The following SEZ6L variants were observed in gnomAD, a reference collection of about 807,000 sequenced individuals.
SEZ6L encodes the protein seizure 6-like protein.
SEZ6L carries 37 observed loss-of-function variants against 106.2 expected under a neutral mutation model. The observed-to-expected ratio is 0.35, with a 90% CI of 0.27 to 0.46. SEZ6L has a LOEUF of 0.46. Ranked by LOEUF, SEZ6L falls within the 20% of genes least tolerant of loss-of-function variation. SEZ6L has a pLI of 1.00. For synonymous variants in SEZ6L, 541 were observed against 570.4 expected (o/e 0.95, Z 0.73); for missense variants, 1,172 against 1,332.8 (o/e 0.88, Z 1.88).
intron 10 of SEZ6L, among the ~76,000 whole-genome samples, chr22:26,345,150 A>G (rs998048726): frequency 6.6e-6 from 1 of 152,118 alleles, no homozygotes; most frequent in African/African-American, 2.4e-5. Flanking sequence ...ATGGGGACGG[A>G]CCATTCTAGA....
intron 9 of SEZ6L, among the ~76,000 whole-genome samples, chr22:26,324,064 C>CCACACACACACACACACACA (rs71311560): frequency 7.8e-5 from 11 of 140,268 alleles, no homozygotes; most frequent in Non-Finnish European, 1.7e-4. Context: ...CAGTTTTTAA[C>CCACACACACACACACACACA]CACACACACA....
chr22:26,283,698 T>C (rs2080844805), intron 1 of SEZ6L, among the ~76,000 whole-genome samples: 1 of 152,098 alleles, frequency 6.6e-6, no homozygotes, highest in African/African-American at 2.4e-5. Context: ...AATAAGTGCA[T>C]ACAATAAATA....
chr22:26,225,390 G>A (rs148304202), intron 1 of SEZ6L, among the ~76,000 whole-genome samples: 94 of 152,220 alleles, frequency 6.2e-4, no homozygotes, highest in African/African-American at 2.0e-3. Context: ...TTTGAGCAGC[G>A]GGATCACTCA....
intron 1 of SEZ6L, among the ~76,000 whole-genome samples, chr22:26,290,101 T>G (rs1467091883): frequency 2.0e-5 from 3 of 152,190 alleles, no homozygotes; most frequent in Non-Finnish European, 4.4e-5. Context: ...AATAGCCCCA[T>G]TTGACAGCTG....
In SEZ6L at chr22:26,340,512, C is replaced by T. The variant is rs1408480599; in HGVS notation, c.2092C>T (p.Leu698Phe). 4.3e-6 allele frequency: 7 copies of T among 1,614,176 alleles called. No individual in the cohort carries two copies. The highest frequency in any genetic ancestry group is 5.9e-6 in the Non-Finnish European group (7 of 1,180,032). ...EVMPHILGQYLGNSGPQKLYS... is the reference protein window; with the variant it reads ...EVMPHILGQYFGNSGPQKLYS... ...CATGCCCCACATCTTGGGGCAGTAC[C>T]TTGGGAACAGTGGCCCCCAGAAACT... Residue 698 changes from leucine to phenylalanine, a missense_variant, in exon 10 of 17, where the codon CTT becomes TTT. Leu to Phe is a conservative substitution (Grantham distance 22). This residue lies in a region of SEZ6L where 534 missense variants were observed against 691.0 expected (regional missense o/e 0.77). Coordinates refer to ENST00000248933, the MANE Select transcript of SEZ6L (RefSeq NM_021115.5).
At chr22:26,261,771 G>A (rs764081179) in intron 1 of SEZ6L, among the ~76,000 whole-genome samples, 12 of 152,154 alleles carry the variant, frequency 7.9e-5, no homozygotes, top group Non-Finnish European at 1.6e-4. Context: ...AGAGTTGGGA[G>A]GGTAGATAAG....
intron 13 of SEZ6L, among the ~76,000 whole-genome samples, chr22:26,369,858 C>T (rs1456894037): frequency 6.7e-6 from 1 of 149,602 alleles, no homozygotes; most frequent in African/African-American, 2.5e-5. Context: ...CTCAAGGGAT[C>T]TGTCCACCTC....
intron 9 of SEZ6L, among the ~76,000 whole-genome samples, chr22:26,321,277 GC>G (rs1342706241): frequency 6.6e-6 from 1 of 152,208 alleles, no homozygotes; most frequent in African/African-American, 2.4e-5. Flanking sequence ...CTAGAAGCTG[GC>G]GGAGCTTGGA....
intron 9 of SEZ6L, among the ~76,000 whole-genome samples, chr22:26,336,767 T>G (rs2082658188): frequency 6.6e-6 from 1 of 152,202 alleles, no homozygotes. Flanking sequence ...ACAGCATCCC[T>G]GGCCTCCACT....
chr22:26,337,332 C>T (rs987711558), intron 9 of SEZ6L, among the ~76,000 whole-genome samples: 6 of 152,174 alleles, frequency 3.9e-5, no homozygotes, highest in Non-Finnish European at 7.3e-5. Flanking sequence ...GCTGCTACTG[C>T]GTTTTGGCCA....
intron 12 of SEZ6L, among the ~76,000 whole-genome samples, chr22:26,351,887 G>A (rs2083293771): frequency 6.6e-6 from 1 of 152,014 alleles, no homozygotes; most frequent in Admixed American, 6.5e-5. Flanking sequence ...TGCTAGGTGT[G>A]GTGGCTCACA....
intron 1 of SEZ6L, among the ~76,000 whole-genome samples, chr22:26,208,610 G>A (rs1002098519): frequency 1.3e-5 from 2 of 151,984 alleles, no homozygotes; most frequent in African/African-American, 2.4e-5. Context: ...AATACATCCT[G>A]TATATGATAT....
In SEZ6L at chr22:26,347,851, G is replaced by A. The variant is rs1164464991; in HGVS notation, c.2345G>A (p.Ser782Asn). 4 of 1,601,958 alleles carry A rather than the reference G, an allele frequency of 2.5e-6. No individual in the cohort carries two copies. Among genetic ancestry groups the A allele is most frequent in the Non-Finnish European group, 3.4e-6 (4 of 1,176,254 alleles). ...QCDPGYDIVG[S>N]DTLTCQWDLS... is the part of the protein sequence containing the mutation. Reference sequence around the variant, plus strand: ...GACCCCGGCTATGACATCGTGGGGAGTGACACCCTCACCTGCCAGTGGGAC... The same window carrying A: ...GACCCCGGCTATGACATCGTGGGGAATGACACCCTCACCTGCCAGTGGGAC... The change falls in exon 11 of 17, where the codon AGT becomes AAT. Residue 782 changes from serine to asparagine, a missense_variant. Coordinates refer to ENST00000248933, the MANE Select transcript of SEZ6L (RefSeq NM_021115.5).
chr22:26,170,635 G>T (rs1938525187), intron 1 of SEZ6L, among the ~76,000 whole-genome samples: 1 of 152,126 alleles, frequency 6.6e-6, no homozygotes, highest in South Asian at 2.1e-4. Flanking sequence ...ATGGGTGGGG[G>T]AGAGGGCCAG....
chr22:26,245,277 C>A (rs1042969045), intron 1 of SEZ6L, among the ~76,000 whole-genome samples: 1 of 152,134 alleles, frequency 6.6e-6, no homozygotes, highest in Non-Finnish European at 1.5e-5. Flanking sequence ...ACCTTGAAGC[C>A]AGCATCCCCG....
rs1368053908 is a variant in SEZ6L, at chr22:26,226,017, A to T, written c.94+56254A>T. 2.0e-5 allele frequency among the ~76,000 whole-genome samples: 3 copies of T among 152,108 alleles called. No homozygotes were observed. In the East Asian group the frequency reaches 5.8e-4, roughly 29 times the overall value. ...ATCCATCCATCTCCAAGTCCTGATA[A>T]TTTTGCCTCATAAATATTTCTCAAA... On this transcript the variant is annotated intron_variant, in intron 1 of 16. Transcript: ENST00000248933.
In SEZ6L at chr22:26,294,302, T is replaced by C. The variant is rs2081228126; in HGVS notation, c.846T>C (p.Ser282=). The change falls in exon 3 of 17, where the codon AGT becomes AGC. Residue 282 remains serine, a synonymous_variant. Coordinates refer to ENST00000248933, the MANE Select transcript of SEZ6L (RefSeq NM_021115.5). ...AGTCCTTCCTTCCAGCTCTCTGCAG[T>C]GTGAGCTTCTCCAATCCTGAGGGGT... ...ITTEQAPALC[S]VSFSNPEGYI... is the part of the protein sequence containing the mutation. 1 of 1,614,030 alleles carries C rather than the reference T, an allele frequency of 6.2e-7. No homozygotes were observed. Among genetic ancestry groups the C allele is most frequent in the African/African-American group, 1.3e-5 (1 of 74,926 alleles).
intron 1 of SEZ6L, among the ~76,000 whole-genome samples, chr22:26,204,383 A>G (rs1455830023): frequency 6.6e-6 from 1 of 152,232 alleles, no homozygotes; most frequent in Non-Finnish European, 1.5e-5. Flanking sequence ...AGCACTTACT[A>G]CATGCTAGTC....
At chr22:26,203,333 G>A (rs1941093945) in intron 1 of SEZ6L, among the ~76,000 whole-genome samples, 4 of 152,130 alleles carry the variant, frequency 2.6e-5, no homozygotes, top group Admixed American at 2.0e-4. Flanking sequence ...TTTGTTCTCT[G>A]CATCCCAGAT....
Sources: allele counts gnomAD v4.1 joint callset (sites outside exome capture counted in the v4.1 genomes callset), GRCh38; gene constraint gnomAD v4.1.1; regional missense constraint gnomAD v4.1.1; transcripts MANE v1.5; gene names NCBI Gene and HGNC (gene_info 2026-07-23, HGNC 2026-07-21).